Variants in PLA2R1 observed in about 807,000 individuals in gnomAD.
PLA2R1 encodes the protein secretory phospholipase A2 receptor.
A neutral mutation model predicts 195.9 loss-of-function variants in PLA2R1; 158 were observed. That is an observed-to-expected ratio of 0.81 (90% CI 0.71 to 0.92). The LOEUF (loss-of-function observed/expected upper bound fraction) is 0.92. Among genes scored for constraint, PLA2R1 ranks in the 40% least tolerant of loss-of-function variants. PLA2R1 has a pLI of 0.00. For missense variants in PLA2R1, 1,626 were observed against 1,764.6 expected (o/e 0.92, Z 1.41); for synonymous variants, 586 against 598.2 (o/e 0.98, Z 0.30).
At chr2:159,994,338 T>C (rs1691057402) in intron 11 of PLA2R1, among the ~76,000 whole-genome samples, 2 of 151,720 alleles carry the variant, frequency 1.3e-5, no homozygotes, top group Admixed American at 1.3e-4. Flanking sequence ...GGGGTGGAAA[T>C]TGGGGAGGGG....
At chr2:159,962,250 A>G (rs1342391707) in intron 20 of PLA2R1, among the ~76,000 whole-genome samples, 2 of 152,246 alleles carry the variant, frequency 1.3e-5, no homozygotes, top group African/African-American at 4.8e-5. Flanking sequence ...TTCTCAAAAG[A>G]AGACATTATG....
At chr2:160,053,837 C>G (rs1695370143) in intron 1 of PLA2R1, among the ~76,000 whole-genome samples, 1 of 152,220 alleles carries the variant, frequency 6.6e-6, no homozygotes. Context: ...ACCTCTGGCT[C>G]AAGTTCCATT....
At position 159,967,636 on chromosome 2, in the gene PLA2R1, A is replaced by G. The variant is rs753493362; in HGVS notation, c.2807T>C (p.Ile936Thr). 6.2e-7 allele frequency: 1 copy of G among 1,613,700 alleles called. No homozygotes were observed. Residue 936 changes from isoleucine to threonine, a missense_variant, in exon 20 of 30, where the codon ATC becomes ACC. Transcript: ENST00000283243. The stretch of plus-strand genomic sequence containing the variant: ...GAGCCAAACCTTTTTTCGCTTACAG[A>G]TACTAGGCATAGAAACTGAACACTC... ...SEECSVSMPS[I>T]CKRKKVWLIE...
rs1686788824 is a variant in PLA2R1, at chr2:159,935,764, A to G, written c.*6014T>C. Reference sequence around the variant, plus strand: ...ACTACAACAATTTGAATTCTATCATAATCTATTTAAAAATAGAAATAACCT... The same window carrying G: ...ACTACAACAATTTGAATTCTATCATGATCTATTTAAAAATAGAAATAACCT... On this transcript the variant is annotated 3_prime_UTR_variant, in exon 30 of 30. Coordinates refer to ENST00000283243, the MANE Select transcript of PLA2R1 (RefSeq NM_007366.5). The G allele has an allele frequency of 6.6e-6, 1 of 152,180 alleles. No individual in the cohort carries two copies. The highest frequency in any genetic ancestry group is 1.9e-4 in the East Asian group (1 of 5,184). 9.4% of individuals were successfully genotyped at this position (152,180 alleles called of 1,614,324 possible).
Position 159,944,189 on chromosome 2 carries a change from T to C in PLA2R1, c.4144+717A>G, listed in dbSNP as rs140278903. On this transcript the variant is annotated intron_variant, in intron 28 of 29. Transcript: ENST00000283243. ...TTGAAACACATTCTTAGTTGCTGCC[T>C]TTAATCAGGCTGGGCCTTTTCCTCC... is the stretch of plus-strand genomic sequence containing the variant. 1.6e-3 allele frequency among the ~76,000 whole-genome samples: 250 copies of C among 152,314 alleles called. 1 individual carries two copies. The highest frequency in any genetic ancestry group is 2.9e-3 in the Non-Finnish European group (194 of 68,030).
intron 25 of PLA2R1, among the ~76,000 whole-genome samples, chr2:159,949,349 T>C (rs1036585369): frequency 6.6e-6 from 1 of 152,200 alleles, no homozygotes; most frequent in African/African-American, 2.4e-5. Flanking sequence ...CCATCTGCAC[T>C]GCCATGTCCT....
At chr2:160,055,065 T>C (rs570099423) in intron 1 of PLA2R1, among the ~76,000 whole-genome samples, 2 of 152,314 alleles carry the variant, frequency 1.3e-5, no homozygotes, top group East Asian at 3.9e-4. Flanking sequence ...TGGCCCCATC[T>C]TTCCTGTGAT....
chr2:159,992,402 C>T (rs1405603571), intron 11 of PLA2R1, among the ~76,000 whole-genome samples: 1 of 149,028 alleles, frequency 6.7e-6, no homozygotes, highest in Non-Finnish European at 1.5e-5. Context: ...CATGAGTGAA[C>T]TCCCATTCAC....
intron 17 of PLA2R1, among the ~76,000 whole-genome samples, chr2:159,973,023 C>T (rs1254117990): frequency 6.6e-6 from 1 of 152,164 alleles, no homozygotes; most frequent in Non-Finnish European, 1.5e-5. Flanking sequence ...CTAATCACTG[C>T]TCTTCTTAGG....
At chr2:159,991,439 C>CTTT (rs34466452) in intron 11 of PLA2R1, among the ~76,000 whole-genome samples, 5 of 136,010 alleles carry the variant, frequency 3.7e-5, no homozygotes, top group Non-Finnish European at 4.8e-5. Flanking sequence ...CACTTTCTTT[C>CTTT]TTTTTTTTTT....
At chr2:159,952,746 G>C (rs779611083) in intron 23 of PLA2R1, among the ~76,000 whole-genome samples, 10 of 152,192 alleles carry the variant, frequency 6.6e-5, no homozygotes, top group Non-Finnish European at 1.5e-4. Flanking sequence ...CTATTGTATG[G>C]AGACACAGAA....
intron 1 of PLA2R1, among the ~76,000 whole-genome samples, chr2:160,052,742 G>A (rs1445933831): frequency 1.3e-5 from 2 of 152,052 alleles, no homozygotes; most frequent in African/African-American, 4.8e-5. Flanking sequence ...TTCAAAGACT[G>A]GGTCACAAAA....
the PLA2R1 span, among the ~76,000 whole-genome samples, chr2:159,926,543 C>T: frequency 7.0e-3 from 1,066 of 152,148 alleles, 16 homozygotes; most frequent in African/African-American, 0.024. Flanking sequence ...AAAAGCTTCC[C>T]ACAAAAATGA....
chr2:160,013,092 G>C (rs1349540312), intron 10 of PLA2R1, among the ~76,000 whole-genome samples, 171 bp downstream of exon 10: 1 of 151,934 alleles, frequency 6.6e-6, no homozygotes, highest in Admixed American at 6.6e-5. Flanking sequence ...ATCAATTCTG[G>C]AATAACATAG....
chr2:160,041,078 A>G (rs557299904), intron 3 of PLA2R1, among the ~76,000 whole-genome samples: 4 of 152,334 alleles, frequency 2.6e-5, no homozygotes, highest in Admixed American at 2.6e-4. Context: ...TGATTATTTC[A>G]AAGCTTATAC....
intron 28 of PLA2R1, among the ~76,000 whole-genome samples, chr2:159,942,821 T>C (rs761126240): frequency 5.3e-5 from 8 of 152,178 alleles, no homozygotes; most frequent in Non-Finnish European, 1.0e-4. Context: ...GAGAAAGGTA[T>C]AGAGAATGAA....
rs749841744 is a variant in PLA2R1 at position 159,955,661 on chromosome 2, C to T, written c.3153+37G>A. ...AACAAATCTTGAATAAAATATCTTG[C>T]CAAAGTGATCTCCAAAAAATAAATC... On this transcript the variant is annotated intron_variant, in intron 22 of 29. Coordinates refer to ENST00000283243, the MANE Select transcript of PLA2R1 (RefSeq NM_007366.5). The T allele has an allele frequency of 3.2e-5, 38 of 1,201,086 alleles. No individual in the cohort carries two copies. The South Asian group carries it at 3.4e-4, about 11-fold the overall frequency. The allele number at this position is 1,201,086 out of a possible 1,614,324, so 74.4% of individuals were successfully genotyped here.
chr2:160,023,151 C>A (rs1275259910), intron 6 of PLA2R1, among the ~76,000 whole-genome samples: 1 of 152,096 alleles, frequency 6.6e-6, no homozygotes, highest in African/African-American at 2.4e-5. Context: ...CCGATAGAGA[C>A]ACCTGTGTCA....
In PLA2R1 at chr2:159,942,142, C is replaced by CGCT; in HGVS notation, c.4161_4162insAGC (p.Glu1387_Ala1388insSer). 2 of 1,610,758 alleles carry CGCT rather than the reference C, an allele frequency of 1.2e-6. No homozygotes were observed. The highest frequency in any genetic ancestry group is 1.7e-6 in the Non-Finnish European group (2 of 1,177,926). On this transcript the variant is annotated inframe_insertion, in exon 29 of 30. Transcript: ENST00000283243. Reference sequence around the variant, plus strand: ...TCAAACGTACCTTTTTCTGGCAGCGCCTCTGCAGTGTGAATATCTAAAATC... The same window carrying CGCT: ...TCAAACGTACCTTTTTCTGGCAGCGCGCTCTCTGCAGTGTGAATATCTAAAATC...
Sources: gnomAD v4.1 joint callset for allele counts (sites outside exome capture counted in the v4.1 genomes callset) on GRCh38, gnomAD v4.1.1 for gene constraint, MANE v1.5 for transcripts, NCBI Gene and HGNC (gene_info 2026-07-23, HGNC 2026-07-21) for gene names.